The following GRAMD2B variants were observed in gnomAD, a reference collection of about 807,000 sequenced individuals.
GRAMD2B encodes the protein GRAM domain-containing protein 2B.
GRAMD2B carries 41 observed loss-of-function variants against 59.2 expected under a neutral mutation model. The observed-to-expected ratio is 0.69, with a 90% confidence interval of 0.54 to 0.90. The LOEUF is 0.90. Ranked by LOEUF, GRAMD2B falls within the 40% of genes least tolerant of loss-of-function variation. The probability of loss-of-function intolerance (pLI) is 0.00; values close to 1 mark genes in which losing one functional copy is unlikely to be tolerated. For missense variants in GRAMD2B, 424 were observed against 500.5 expected (o/e 0.85, Z 1.46); for synonymous variants, 161 against 182.7 (o/e 0.88, Z 0.96).
At chr5:126,427,877 A>G (rs566987543) in intron 1 of GRAMD2B, among the ~76,000 whole-genome samples, 1 of 152,342 alleles carries the variant, frequency 6.6e-6, no homozygotes, top group Admixed American at 6.5e-5. Context: ...CCCATTTAGC[A>G]AAAGAAGATT....
chr5:126,373,312 A>C (rs921854910), intron 1 of GRAMD2B, among the ~76,000 whole-genome samples: 2 of 152,264 alleles, frequency 1.3e-5, no homozygotes, highest in Non-Finnish European at 2.9e-5. Context: ...AGATAAAAAA[A>C]TAAGACCAGG....
rs183054245 is a variant in GRAMD2B at position 126,391,146 on chromosome 5, G to A, written c.125+19579G>A. On this transcript the variant is annotated intron_variant, in intron 1 of 8. Transcript: ENST00000506445. ...AGTTGAGGTCAGGAGTTTGAGACCA[G>A]CCTGGCCAACATGGTAAAACCCCAT... Among the ~76,000 whole-genome samples, 12 of 151,896 alleles carry A rather than the reference G, an allele frequency of 7.9e-5. No individual in the cohort carries two copies. The East Asian group carries it at 1.2e-3, about 15-fold the overall frequency.
At chr5:126,383,559 T>C (rs533498472) in intron 1 of GRAMD2B, among the ~76,000 whole-genome samples, 31 of 152,264 alleles carry the variant, frequency 2.0e-4, no homozygotes, top group African/African-American at 7.5e-4. Flanking sequence ...CTGTGGTAGA[T>C]GGATTACAGT....
intron 1 of GRAMD2B, among the ~76,000 whole-genome samples, chr5:126,378,595 G>GT (rs1370791221): frequency 6.6e-6 from 1 of 152,102 alleles, no homozygotes; most frequent in East Asian, 1.9e-4. Flanking sequence ...CAACAGATCT[G>GT]TTTTTTCTAT....
At chr5:126,453,277 A>G (rs548469708) in intron 1 of GRAMD2B, among the ~76,000 whole-genome samples, 8 of 151,680 alleles carry the variant, frequency 5.3e-5, no homozygotes, top group African/African-American at 1.4e-4. Context: ...GGAGGTTGCA[A>G]TGAGCCAAGA....
chr5:126,472,317 C>T lies in GRAMD2B; in HGVS notation c.382+13C>T, dbSNP rs1408282426. The T allele has an allele frequency of 6.2e-7, 1 of 1,609,220 alleles. No homozygotes were observed. The highest frequency in any genetic ancestry group is 1.1e-5 in the South Asian group (1 of 90,622). The stretch of plus-strand genomic sequence containing the variant: ...CCACTGAAGCAAAGTAAGTTCTGAC[C>T]TGTTTGACTTTTTAAGCTACATATT... On this transcript the variant is annotated intron_variant, in intron 4 of 13. Coordinates refer to ENST00000285689, the MANE Select transcript of GRAMD2B (RefSeq NM_023927.4).
intron 3 of GRAMD2B, among the ~76,000 whole-genome samples, chr5:126,470,526 A>G (rs750288098): frequency 2.6e-5 from 4 of 152,086 alleles, no homozygotes; most frequent in Non-Finnish European, 5.9e-5. Flanking sequence ...TCAGGATCCA[A>G]TCAAGAGTCA....
chr5:126,455,861 C>G (rs1436610546), intron 1 of GRAMD2B, among the ~76,000 whole-genome samples: 2 of 152,172 alleles, frequency 1.3e-5, no homozygotes, highest in African/African-American at 4.8e-5. Flanking sequence ...CTCCTCTTTA[C>G]AATTAGAAGA....
intron 1 of GRAMD2B, among the ~76,000 whole-genome samples, chr5:126,397,947 G>A (rs1757504721): frequency 6.6e-6 from 1 of 150,644 alleles, no homozygotes; most frequent in South Asian, 2.1e-4. Context: ...CTGCTATTAA[G>A]TCTTCTTTGA....
Position 126,494,360 on chromosome 5 carries a change from A to C in GRAMD2B, c.*1404A>C, listed in dbSNP as rs2127009428. ...AGAAAATGAACTTTGAAGTCAAAAA[A>C]AAAAGAAAAAAAAAAAAGACAATGC... On this transcript the variant is annotated 3_prime_UTR_variant, in exon 14 of 14. Coordinates refer to ENST00000285689, the MANE Select transcript of GRAMD2B (RefSeq NM_023927.4). The C allele has an allele frequency of 6.6e-6, 1 of 151,878 alleles. No homozygotes were observed. Among genetic ancestry groups the C allele is most frequent in the Non-Finnish European group, 1.5e-5 (1 of 68,000 alleles). 9.4% of individuals were successfully genotyped at this position (151,878 alleles called of 1,614,324 possible). A position where few individuals can be genotyped will look rare whatever the true frequency, so the allele number is the denominator to read the frequency against.
intron 1 of GRAMD2B, among the ~76,000 whole-genome samples, chr5:126,412,343 T>G (rs1758883271): frequency 6.6e-6 from 1 of 152,114 alleles, no homozygotes; most frequent in South Asian, 2.1e-4. Context: ...TATCAAAAGC[T>G]TTTGCTGCAT....
chr5:126,449,465 A>G (rs1043087146), intron 1 of GRAMD2B, among the ~76,000 whole-genome samples: 28 of 152,248 alleles, frequency 1.8e-4, no homozygotes, highest in Admixed American at 3.9e-4. Flanking sequence ...TTACATCCTT[A>G]GGTAGATTAA....
intron 1 of GRAMD2B, among the ~76,000 whole-genome samples, chr5:126,457,511 A>T (rs949285684): frequency 6.6e-6 from 1 of 151,878 alleles, no homozygotes; most frequent in Non-Finnish European, 1.5e-5. Flanking sequence ...CGTGCCTGTA[A>T]TCCCAGCTAC....
intron 1 of GRAMD2B, among the ~76,000 whole-genome samples, chr5:126,416,166 T>G (rs944135088): frequency 9.9e-5 from 15 of 152,208 alleles, no homozygotes; most frequent in African/African-American, 3.6e-4. Flanking sequence ...TAAACAGTGA[T>G]TCTTGGACTT....
intron 11 of GRAMD2B, among the ~76,000 whole-genome samples, chr5:126,486,547 A>G (rs187644281): frequency 6.6e-6 from 1 of 152,290 alleles, no homozygotes; most frequent in Non-Finnish European, 1.5e-5. Context: ...AGATCTGCCC[A>G]GGCTCTTCTG....
chr5:126,414,449 G>C (rs1759087967), intron 1 of GRAMD2B, among the ~76,000 whole-genome samples: 1 of 152,090 alleles, frequency 6.6e-6, no homozygotes, highest in Non-Finnish European at 1.5e-5. Flanking sequence ...GAAATGTTCT[G>C]TTTTCATCTG....
At chr5:126,485,088 T>A (rs1772646588) in intron 10 of GRAMD2B, among the ~76,000 whole-genome samples, 1 of 152,186 alleles carries the variant, frequency 6.6e-6, no homozygotes, top group Admixed American at 6.5e-5. Context: ...CAAAAATTTC[T>A]GTTACTGTAA....
At position 126,469,917 on chromosome 5, in the gene GRAMD2B, T is replaced by G. The variant is rs11241897; in HGVS notation, c.315+129T>G. The G allele has an allele frequency of 2.4e-3, 1,525 of 644,258 alleles. 21 individuals carry two copies. Among genetic ancestry groups the G allele is most frequent in the African/African-American group, 0.024 (1,290 of 54,698 alleles). The allele number at this position is 644,258 out of a possible 1,614,324, so 39.9% of individuals were successfully genotyped here. Reference sequence around the variant, plus strand: ...ATATAGGTATAGAGTTTAGAGAATTTAGAAGAACAAACAGGCAGCAGTTCC... The same window carrying G: ...ATATAGGTATAGAGTTTAGAGAATTGAGAAGAACAAACAGGCAGCAGTTCC... On this transcript the variant is annotated intron_variant, in intron 3 of 13. Coordinates refer to ENST00000285689, the MANE Select transcript of GRAMD2B (RefSeq NM_023927.4).
At chr5:126,436,588 G>A (rs762727891) in intron 1 of GRAMD2B, among the ~76,000 whole-genome samples, 1 of 152,232 alleles carries the variant, frequency 6.6e-6, no homozygotes, top group Non-Finnish European at 1.5e-5. Flanking sequence ...GGAGTTCAAA[G>A]CTGTTGTGAG....
Sources: gnomAD v4.1 joint callset for allele counts (sites outside exome capture counted in the v4.1 genomes callset) on GRCh38, gnomAD v4.1.1 for gene constraint, MANE v1.5 for transcripts, NCBI Gene and HGNC (gene_info 2026-07-23, HGNC 2026-07-21) for gene names.